The following NRG3 variants were observed in gnomAD, a reference collection of about 807,000 sequenced individuals.
NRG3 encodes the protein neuregulin 3.
A neutral mutation model predicts 66.9 loss-of-function variants in NRG3; 31 were observed. The observed-to-expected ratio is 0.46, with a 90% CI of 0.35 to 0.63. The LOEUF (loss-of-function observed/expected upper bound fraction) is 0.63, where lower values mean the gene tolerates loss of function less well. Ranked by LOEUF, NRG3 falls within the 20% of genes least tolerant of loss-of-function variation. The pLI, the probability that NRG3 is intolerant of heterozygous loss-of-function variation, is 0.00. For synonymous variants in NRG3, 393 were observed against 359.4 expected (o/e 1.09, Z -1.06); for missense variants, 910 against 878.9 (o/e 1.04, Z -0.45).
chr10:82,522,384 G>A lies in NRG3; in HGVS notation c.953+163516G>A, dbSNP rs182657931. 7.9e-5 allele frequency among the ~76,000 whole-genome samples: 12 copies of A among 152,140 alleles called. No individual in the cohort carries two copies. The South Asian group carries it at 8.3e-4, about 11-fold the overall frequency. On this transcript the variant is annotated intron_variant, in intron 2 of 8. Coordinates refer to ENST00000372141, the MANE Select transcript of NRG3 (RefSeq NM_001010848.4). Reference sequence around the variant, plus strand: ...GAGGCCCTGACTATCATTGATAAGCGTTAGAATCAACTTGCACCACAATAT... The same window carrying A: ...GAGGCCCTGACTATCATTGATAAGCATTAGAATCAACTTGCACCACAATAT...
At chr10:82,924,908 G>A (rs566788152) in intron 4 of NRG3, among the ~76,000 whole-genome samples, 1 of 152,204 alleles carries the variant, frequency 6.6e-6, no homozygotes, top group African/African-American at 2.4e-5. Flanking sequence ...TATAATTATA[G>A]GGATAAAAGA....
chr10:82,404,140 G>A (rs897845881), intron 2 of NRG3, among the ~76,000 whole-genome samples: 2 of 152,116 alleles, frequency 1.3e-5, no homozygotes, highest in African/African-American at 4.8e-5. Context: ...ATCACAATTA[G>A]GGAGAAGGCA....
In NRG3 at chr10:82,231,854, TTTAG is replaced by T. The variant is rs34859577; in HGVS notation, c.824-126881_824-126878del. On this transcript the variant is annotated intron_variant, in intron 1 of 8. Coordinates refer to ENST00000372141, the MANE Select transcript of NRG3 (RefSeq NM_001010848.4). ...ATGTCTTCATAAATTCTCTAAAATT[TTTAG>T]TTAAACAGTTTTCTCTTAAATTGGA... Among the ~76,000 whole-genome samples, 679 of 152,312 alleles carry T rather than the reference TTTAG, an allele frequency of 4.5e-3. 6 individuals are homozygous for T. The highest frequency in any genetic ancestry group is 0.015 in the African/African-American group (620 of 41,566).
At chr10:82,129,504 T>C (rs922059807) in intron 1 of NRG3, among the ~76,000 whole-genome samples, 4 of 152,176 alleles carry the variant, frequency 2.6e-5, no homozygotes, top group African/African-American at 7.2e-5. Context: ...CACATTAGGG[T>C]AAATGAAATA....
chr10:82,283,570 T>C (rs750337437), intron 1 of NRG3, among the ~76,000 whole-genome samples: 3 of 152,196 alleles, frequency 2.0e-5, no homozygotes, highest in Non-Finnish European at 4.4e-5. Flanking sequence ...GTATCCAACA[T>C]TCTATAAGAA....
chr10:82,306,607 G>A (rs1402227682), intron 1 of NRG3, among the ~76,000 whole-genome samples: 1 of 150,766 alleles, frequency 6.6e-6, no homozygotes, highest in East Asian at 2.0e-4. Flanking sequence ...GGGAGGCTGA[G>A]GCAGGAGAAT....
chr10:81,897,869 G>T (rs1005379749), intron 1 of NRG3, among the ~76,000 whole-genome samples: 1 of 152,198 alleles, frequency 6.6e-6, no homozygotes, highest in African/African-American at 2.4e-5. Flanking sequence ...TCTTGTAGAT[G>T]TAGTGCAGTG....
intron 1 of NRG3, among the ~76,000 whole-genome samples, chr10:82,023,955 A>G (rs2062177429): frequency 6.6e-6 from 1 of 152,038 alleles, no homozygotes. Flanking sequence ...GTTTTGTGGA[A>G]TTCAGCAGTG....
intron 1 of NRG3, among the ~76,000 whole-genome samples, chr10:82,001,949 ATCC>A (rs2061188415): frequency 6.6e-6 from 1 of 152,134 alleles, no homozygotes; most frequent in South Asian, 2.1e-4. Context: ...TTCAACAATC[ATCC>A]TCCTTTGTTT....
intron 2 of NRG3, among the ~76,000 whole-genome samples, chr10:82,697,111 G>C (rs1356248758): frequency 1.3e-5 from 2 of 152,144 alleles, no homozygotes; most frequent in African/African-American, 4.8e-5. Flanking sequence ...AAAACAAAAA[G>C]TTTCATATTT....
At chr10:82,119,127 A>G (rs1240477932) in intron 1 of NRG3, among the ~76,000 whole-genome samples, 1 of 152,226 alleles carries the variant, frequency 6.6e-6, no homozygotes, top group East Asian at 1.9e-4. Context: ...ATATATCAAT[A>G]CATCAAACAC....
At chr10:81,894,096 T>C (rs1158442990) in intron 1 of NRG3, among the ~76,000 whole-genome samples, 1 of 152,118 alleles carries the variant, frequency 6.6e-6, no homozygotes, top group Non-Finnish European at 1.5e-5. Flanking sequence ...ATCCCAGCAG[T>C]TTGGGAGACC....
intron 8 of NRG3, among the ~76,000 whole-genome samples, chr10:82,982,405 T>C (rs1853019105): frequency 6.6e-6 from 1 of 152,160 alleles, no homozygotes; most frequent in South Asian, 2.1e-4. Flanking sequence ...TGGCCCAAAG[T>C]GAAATGATAA....
In NRG3 at chr10:82,895,460, G is replaced by T. The variant is rs371547112; in HGVS notation, c.1054+30023G>T. On this transcript the variant is annotated intron_variant, in intron 4 of 8. Transcript: ENST00000372141. Reference sequence around the variant, plus strand: ...TTTTAAGATTATCTGAGAAAAAAATGAAAGACAATCCAGCACAATAACATT... The same window carrying T: ...TTTTAAGATTATCTGAGAAAAAAATTAAAGACAATCCAGCACAATAACATT... 1.5e-4 allele frequency among the ~76,000 whole-genome samples: 23 copies of T among 149,100 alleles called. No homozygotes were observed. In the East Asian group the frequency reaches 2.8e-3, roughly 18 times the overall value.
At position 81,991,677 on chromosome 10, in the gene NRG3, CA is replaced by C. The variant is rs557356129; in HGVS notation, c.823+115518del. Among the ~76,000 whole-genome samples, 4 of 152,146 alleles carry C rather than the reference CA, an allele frequency of 2.6e-5. No individual in the cohort carries two copies. In the East Asian group the frequency reaches 7.7e-4, roughly 29 times the overall value. Reference sequence around the variant, plus strand: ...TTTAAAAATCCACACAAAAACAAAACAAAATGAAAACCACACATGATTTAGC... The same window carrying C: ...TTTAAAAATCCACACAAAAACAAAACAAATGAAAACCACACATGATTTAGC... On this transcript the variant is annotated intron_variant, in intron 1 of 8. Transcript: ENST00000372141.
intron 2 of NRG3, among the ~76,000 whole-genome samples, chr10:82,624,509 C>T (rs1454729517): frequency 6.6e-6 from 1 of 151,878 alleles, no homozygotes; most frequent in African/African-American, 2.4e-5. Flanking sequence ...ATCTCTTTGC[C>T]TCTGGAATGC....
At position 82,895,616 on chromosome 10, in the gene NRG3, G is replaced by A. The variant is rs188867173; in HGVS notation, c.1054+30179G>A. On this transcript the variant is annotated intron_variant, in intron 4 of 8. Transcript: ENST00000372141. ...CGCCATTCTCCTGCCTCAGCCTCCCGAGCAGCTGGGACTGCAGGCACCTGC... is the reference window on the plus strand; with the variant it reads ...CGCCATTCTCCTGCCTCAGCCTCCCAAGCAGCTGGGACTGCAGGCACCTGC... Among the ~76,000 whole-genome samples, 9 of 150,290 alleles carry A rather than the reference G, an allele frequency of 6.0e-5. No individual in the cohort carries two copies. The East Asian group carries it at 1.4e-3, about 23-fold the overall frequency.
In NRG3 at chr10:82,791,951, T is replaced by C. The variant is rs140586066; in HGVS notation, c.1027+53301T>C. Among the ~76,000 whole-genome samples, 765 of 152,300 alleles carry C rather than the reference T, an allele frequency of 5.0e-3. 3 individuals carry two copies. Among genetic ancestry groups the C allele is most frequent in the African/African-American group, 0.018 (739 of 41,568 alleles). On this transcript the variant is annotated intron_variant, in intron 3 of 8. Transcript: ENST00000372141. Reference sequence around the variant, plus strand: ...CCAGTGTTTAGTGGACTTCTAGTTTTTACTGCTTTTATGGCTGCTAGATTG... The same window carrying C: ...CCAGTGTTTAGTGGACTTCTAGTTTCTACTGCTTTTATGGCTGCTAGATTG...
chr10:82,828,886 G>A (rs2062377239), intron 3 of NRG3, among the ~76,000 whole-genome samples: 2 of 152,096 alleles, frequency 1.3e-5, no homozygotes, highest in African/African-American at 4.8e-5. Flanking sequence ...ACATCTGATG[G>A]GAAGTAAAAG....
Sources: allele counts gnomAD v4.1 joint callset (sites outside exome capture counted in the v4.1 genomes callset), GRCh38; gene constraint gnomAD v4.1.1; transcripts MANE v1.5; gene names NCBI Gene and HGNC (gene_info 2026-07-23, HGNC 2026-07-21).